Variants in CDH4 observed in about 807,000 individuals in gnomAD.
CDH4 encodes cadherin 4.
A neutral mutation model predicts 86.0 loss-of-function variants in CDH4; 33 were observed. The ratio of observed to expected loss-of-function variants is 0.38; its 90% CI spans 0.29 to 0.51. CDH4 has a LOEUF of 0.51. Among genes scored for constraint, CDH4 ranks in the 20% least tolerant of loss-of-function variants. The pLI is 0.86. For synonymous variants in CDH4, 555 were observed against 549.4 expected (o/e 1.01, Z -0.14); for missense variants, 1,114 against 1,307.4 (o/e 0.85, Z 2.28).
At chr20:61,918,875 C>G (rs1486331914) in intron 9 of CDH4, among the ~76,000 whole-genome samples, 1 of 152,066 alleles carries the variant, frequency 6.6e-6, no homozygotes, top group Admixed American at 6.5e-5. Flanking sequence ...ATTATTTAGG[C>G]AATTTTATTT....
chr20:61,759,549 A>G (rs537248386), intron 3 of CDH4, among the ~76,000 whole-genome samples: 2 of 152,328 alleles, frequency 1.3e-5, no homozygotes. Flanking sequence ...GATGGCACCG[A>G]CCATCTTTCT....
intron 2 of CDH4, among the ~76,000 whole-genome samples, chr20:61,296,882 G>A (rs1017251558): frequency 6.6e-6 from 1 of 152,122 alleles, no homozygotes; most frequent in Non-Finnish European, 1.5e-5. Flanking sequence ...TGGGTGGATG[G>A]GTAGGTGGGG....
intron 2 of CDH4, among the ~76,000 whole-genome samples, chr20:61,723,563 C>T (rs987717279): frequency 7.9e-5 from 12 of 152,298 alleles, no homozygotes; most frequent in African/African-American, 2.9e-4. Flanking sequence ...TTTACAGATA[C>T]CCCAAGCACC....
intron 4 of CDH4, among the ~76,000 whole-genome samples, chr20:61,838,137 C>CCTGCCTGT (rs56125179): frequency 4.9e-4 from 73 of 150,470 alleles, no homozygotes; most frequent in African/African-American, 1.5e-3. Context: ...GGGCCGTCTA[C>CCTGCCTGT]CTGCCTGTCT....
At chr20:61,738,666 A>C (rs2088295370) in intron 2 of CDH4, 1 of 152,304 alleles carries the variant, frequency 6.6e-6, no homozygotes, top group South Asian at 2.1e-4. Flanking sequence ...AGGATGTGCA[A>C]GTCAGAAGCT....
At chr20:61,928,095 C>T in intron 11 of CDH4, 95 bp from the exon 12 acceptor site, 3 of 920,174 alleles carry the variant, frequency 3.3e-6, no homozygotes, top group Non-Finnish European at 5.3e-6. Flanking sequence ...GTGTATGTTG[C>T]ACGTGGTTGT....
intron 2 of CDH4, among the ~76,000 whole-genome samples, chr20:61,474,703 C>CT (rs1043939699): frequency 4.0e-5 from 6 of 151,606 alleles, no homozygotes; most frequent in African/African-American, 9.7e-5. Flanking sequence ...TTTCAACATT[C>CT]TTTTTTTTAA....
intron 2 of CDH4, among the ~76,000 whole-genome samples, chr20:61,707,809 A>G (rs570237057): frequency 1.1e-4 from 16 of 152,302 alleles, no homozygotes; most frequent in East Asian, 1.9e-4. Flanking sequence ...AACAGGGTTC[A>G]TGATCGTGAG....
At chr20:61,574,340 G>A (rs1302642590) in intron 2 of CDH4, among the ~76,000 whole-genome samples, 1 of 152,244 alleles carries the variant, frequency 6.6e-6, no homozygotes, top group Non-Finnish European at 1.5e-5. Context: ...GGCCCCGTGG[G>A]CCCCGTGTGC....
intron 2 of CDH4, among the ~76,000 whole-genome samples, chr20:61,585,342 T>TAG (rs776600290): frequency 1.1e-4 from 16 of 152,222 alleles, no homozygotes; most frequent in Non-Finnish European, 2.2e-4. Context: ...CCATCCCTCT[T>TAG]ACAATCTTCT....
chr20:61,283,590 G>A (rs2084276749), intron 2 of CDH4, among the ~76,000 whole-genome samples: 1 of 147,886 alleles, frequency 6.8e-6, no homozygotes, highest in Non-Finnish European at 1.5e-5. Flanking sequence ...GTGTGCTGTG[G>A]TGTGTGTGAT....
At chr20:61,618,684 G>A (rs950570966) in intron 2 of CDH4, among the ~76,000 whole-genome samples, 7 of 152,328 alleles carry the variant, frequency 4.6e-5, no homozygotes, top group South Asian at 4.1e-4. Context: ...GCTGTATCAC[G>A]GGTACTCTGA....
At chr20:61,258,259 G>A (rs972056182) in intron 2 of CDH4, among the ~76,000 whole-genome samples, 1 of 136,576 alleles carries the variant, frequency 7.3e-6, no homozygotes, top group Non-Finnish European at 1.5e-5. Context: ...GAAACCAGGA[G>A]GCGGAGCTTG....
intron 6 of CDH4, among the ~76,000 whole-genome samples, chr20:61,866,113 A>AC (rs1338515341): frequency 6.6e-6 from 1 of 151,800 alleles, no homozygotes; most frequent in Admixed American, 6.6e-5. Context: ...TGGCCACACC[A>AC]CCCCCTGGCA....
chr20:61,302,420 T>G (rs1297827185), intron 2 of CDH4, among the ~76,000 whole-genome samples: 1 of 152,236 alleles, frequency 6.6e-6, no homozygotes, highest in Admixed American at 6.5e-5. Flanking sequence ...AACGCCTAAC[T>G]TCAGATGAAC....
intron 13 of CDH4, among the ~76,000 whole-genome samples, chr20:61,931,282 C>T (rs1214970573): frequency 6.6e-6 from 1 of 152,268 alleles, no homozygotes; most frequent in Admixed American, 6.5e-5. Context: ...GGAGCTGCAC[C>T]TGCAGTGCGT....
At chr20:61,642,563 G>A (rs1472558376) in intron 2 of CDH4, among the ~76,000 whole-genome samples, 1 of 152,246 alleles carries the variant, frequency 6.6e-6, no homozygotes, top group Non-Finnish European at 1.5e-5. Context: ...GCAGTTTGAA[G>A]CACAGGCAGA....
At chr20:61,935,143 G>A (rs1043837430) in intron 15 of CDH4, among the ~76,000 whole-genome samples, 1 of 152,156 alleles carries the variant, frequency 6.6e-6, no homozygotes, top group Non-Finnish European at 1.5e-5. Flanking sequence ...GCTTCTAGTC[G>A]GCGTGAGCCC....
intron 2 of CDH4, among the ~76,000 whole-genome samples, chr20:61,564,574 A>C (rs765929708): frequency 2.6e-5 from 4 of 152,094 alleles, no homozygotes; most frequent in Non-Finnish European, 5.9e-5. Context: ...ACCATGATTG[A>C]AGCTTCCTGA....
Sources: gnomAD v4.1 joint callset for allele counts (sites outside exome capture counted in the v4.1 genomes callset) on GRCh38, gnomAD v4.1.1 for gene constraint, MANE v1.5 for transcripts, NCBI Gene and HGNC (gene_info 2026-07-23, HGNC 2026-07-21) for gene names.